The following SRGAP3 variants were observed in gnomAD, a reference collection of about 807,000 sequenced individuals.
The protein encoded by SRGAP3 is SLIT-ROBO Rho GTPase activating protein 3.
SRGAP3 carries 39 observed loss-of-function variants against 121.1 expected under a neutral mutation model. The observed-to-expected ratio is 0.32, with a 90% confidence interval of 0.25 to 0.42. The LOEUF (loss-of-function observed/expected upper bound fraction) is 0.42, where lower values mean the gene tolerates loss of function less well. SRGAP3 is among the 10% of genes least tolerant of loss of function. The pLI, the probability that SRGAP3 is intolerant of heterozygous loss-of-function variation, is 1.00. For missense variants in SRGAP3, 1,213 were observed against 1,470.6 expected, an observed-to-expected ratio of 0.82 and a Z score of 2.86; for synonymous variants, 601 against 570.0, an observed-to-expected ratio of 1.05 and a Z score of -0.77.
chr3:9,037,947 G>T (rs1408462945), intron 11 of SRGAP3, 116 bp downstream of exon 11: 1 of 1,387,776 alleles, frequency 7.2e-7, no homozygotes, highest in Non-Finnish European at 1.0e-6. Flanking sequence ...CGGCCCTTGG[G>T]GACATTGGTG....
intron 1 of SRGAP3, among the ~76,000 whole-genome samples, chr3:9,130,515 G>A (rs553047453): frequency 6.6e-5 from 10 of 152,306 alleles, no homozygotes; most frequent in Admixed American, 2.6e-4. Context: ...CAGCTCAGGA[G>A]GAAGTCGCTA....
At chr3:9,036,461 G>C (rs1944748553) in intron 11 of SRGAP3, 1 of 152,256 alleles carries the variant, frequency 6.6e-6, no homozygotes, top group Non-Finnish European at 1.5e-5. Flanking sequence ...GTTGAATGCA[G>C]GGTGTCTAAG....
chr3:9,010,813 T>C (rs1574901809), intron 17 of SRGAP3, among the ~76,000 whole-genome samples: 3 of 152,270 alleles, frequency 2.0e-5, no homozygotes, highest in African/African-American at 2.4e-5. Flanking sequence ...AGGTGACATA[T>C]CCCAGGAGGT....
At chr3:9,182,668 T>A (rs185094695) in intron 1 of SRGAP3, among the ~76,000 whole-genome samples, 1 of 152,314 alleles carries the variant, frequency 6.6e-6, no homozygotes, top group East Asian at 1.9e-4. Flanking sequence ...TTGTTTGTTT[T>A]ATAGAGACAG....
At chr3:9,035,064 T>G (rs974046242) in intron 11 of SRGAP3, 6 of 151,718 alleles carry the variant, frequency 4.0e-5, no homozygotes, top group Non-Finnish European at 5.9e-5. Context: ...GTCACACAAA[T>G]AAAATGTGAT....
At chr3:9,358,025 C>A (rs2030611954) in intron 1 of SRGAP3, among the ~76,000 whole-genome samples, 1 of 152,144 alleles carries the variant, frequency 6.6e-6, no homozygotes, top group Admixed American at 6.5e-5. Context: ...GAGATGCACG[C>A]CACCACACCC....
chr3:9,148,949 C>T (rs1950117009), intron 1 of SRGAP3, among the ~76,000 whole-genome samples: 6 of 152,256 alleles, frequency 3.9e-5, no homozygotes, highest in Admixed American at 2.6e-4. Context: ...GGTATGGGGG[C>T]TCACTCCTGT....
chr3:9,247,286 T>C (rs1009790921), intron 1 of SRGAP3, among the ~76,000 whole-genome samples: 3 of 152,160 alleles, frequency 2.0e-5, no homozygotes, highest in Non-Finnish European at 4.4e-5. Flanking sequence ...AGCGCTTATT[T>C]CTAAATTTTC....
intron 1 of SRGAP3, among the ~76,000 whole-genome samples, chr3:9,132,444 A>G (rs1323169642): frequency 6.6e-6 from 1 of 152,170 alleles, no homozygotes; most frequent in African/African-American, 2.4e-5. Flanking sequence ...ACCCTTGGCA[A>G]ACCCTAATCT....
chr3:9,125,409 T>C (rs1179269349), intron 1 of SRGAP3, among the ~76,000 whole-genome samples: 2 of 152,250 alleles, frequency 1.3e-5, no homozygotes, highest in African/African-American at 2.4e-5. Flanking sequence ...CCTAAGCTGC[T>C]GGCTCTTTAT....
chr3:9,100,298 C>T lies in SRGAP3; in HGVS notation c.423+4382G>A, dbSNP rs373067679. Among the ~76,000 whole-genome samples, 29 of 152,254 alleles carry T rather than the reference C, an allele frequency of 1.9e-4. No homozygotes were observed. In the East Asian group the frequency reaches 5.4e-3, roughly 28 times the overall value. ...CTCCCAACCTCCTTTCCCCATTCAG[C>T]AGGCTCTTATTCATCCGTCAACACC... On this transcript the variant is annotated intron_variant, in intron 3 of 21. Coordinates refer to ENST00000383836, the MANE Select transcript of SRGAP3 (RefSeq NM_014850.4).
chr3:9,358,399 T>C (rs2030630062), intron 1 of SRGAP3, among the ~76,000 whole-genome samples: 1 of 152,214 alleles, frequency 6.6e-6, no homozygotes, highest in Non-Finnish European at 1.5e-5. Context: ...CCATCCATAT[T>C]GTAGAATATA....
At chr3:9,049,781 T>TA (rs1945474444) in intron 9 of SRGAP3, among the ~76,000 whole-genome samples, 1 of 151,166 alleles carries the variant, frequency 6.6e-6, no homozygotes, top group Non-Finnish European at 1.5e-5. Context: ...AACCTACTTT[T>TA]TTTTTTTTTT....
intron 19 of SRGAP3, 34 bp from the exon 20 acceptor site, chr3:8,993,089 T>G: frequency 6.2e-7 from 1 of 1,612,564 alleles, no homozygotes; most frequent in Non-Finnish European, 8.5e-7. Flanking sequence ...TGGAGGCACC[T>G]TCCCCCAAAG....
At chr3:9,247,904 G>C (rs899402853) in intron 1 of SRGAP3, among the ~76,000 whole-genome samples, 1 of 152,254 alleles carries the variant, frequency 6.6e-6, no homozygotes, top group African/African-American at 2.4e-5. Context: ...GATTTTCCTT[G>C]CCAAAGCTGA....
intron 1 of SRGAP3, among the ~76,000 whole-genome samples, chr3:9,188,828 C>T (rs1032223450): frequency 6.6e-6 from 1 of 152,134 alleles, no homozygotes; most frequent in Non-Finnish European, 1.5e-5. Context: ...GGGAAAGATG[C>T]AAAGTTGGCC....
chr3:9,332,629 TAAAAG>T (rs775114017), intron 1 of SRGAP3, among the ~76,000 whole-genome samples: 7 of 152,230 alleles, frequency 4.6e-5, no homozygotes, highest in African/African-American at 1.7e-4. Flanking sequence ...TTTTTCTATA[TAAAAG>T]AAAAGAATTG....
At chr3:9,122,436 G>A (rs150243938) in intron 2 of SRGAP3, among the ~76,000 whole-genome samples, 354 of 152,220 alleles carry the variant, frequency 2.3e-3, no homozygotes, top group African/African-American at 8.2e-3. Context: ...GTGGCTGGGC[G>A]CGGTGGCTCA....
intron 3 of SRGAP3, among the ~76,000 whole-genome samples, chr3:9,098,200 T>G (rs539307063): frequency 6.6e-6 from 1 of 152,370 alleles, no homozygotes; most frequent in South Asian, 2.1e-4. Context: ...CACCTGTCTC[T>G]GCTTTCAGAC....
Sources: allele counts gnomAD v4.1 joint callset (sites outside exome capture counted in the v4.1 genomes callset), GRCh38; gene constraint gnomAD v4.1.1; transcripts MANE v1.5; gene names NCBI Gene and HGNC (gene_info 2026-07-23, HGNC 2026-07-21).